Variants in CDCA2 observed in about 807,000 individuals in gnomAD.
CDCA2 encodes cell division cycle-associated protein 2.
In CDCA2, 44 loss-of-function variants were observed where a neutral mutation model predicts 67.0. That is an observed-to-expected ratio of 0.66 (90% CI 0.52 to 0.84). The LOEUF (loss-of-function observed/expected upper bound fraction) is 0.84, where lower values mean the gene tolerates loss of function less well. Among genes scored for constraint, CDCA2 ranks in the 40% least tolerant of loss-of-function variants. The pLI is 0.00. For missense variants in CDCA2, 1,253 were observed against 1,203.2 expected, an observed-to-expected ratio of 1.04 and a Z score of -0.61; for synonymous variants, 447 against 418.7, an observed-to-expected ratio of 1.07 and a Z score of -0.82.
chr8:25,500,160 T>TC (rs1804415589), intron 13 of CDCA2, among the ~76,000 whole-genome samples: 1 of 152,202 alleles, frequency 6.6e-6, no homozygotes, highest in Non-Finnish European at 1.5e-5. Context: ...ATTCATTCAT[T>TC]CATTCATTCG....
At chr8:25,497,489 C>CT (rs1384907799) in intron 13 of CDCA2, among the ~76,000 whole-genome samples, 77 of 81,368 alleles carry the variant, frequency 9.5e-4, no homozygotes, top group African/African-American at 3.5e-3. Flanking sequence ...CATGTGGAAT[C>CT]TTTAAAAAAT....
chr8:25,472,260 T>G (rs1038695682), intron 7 of CDCA2: 5 of 151,458 alleles, frequency 3.3e-5, no homozygotes, highest in African/African-American at 1.2e-4. Flanking sequence ...TTTATTTATT[T>G]TTTTTTTTTG....
intron 10 of CDCA2, among the ~76,000 whole-genome samples, chr8:25,485,537 G>A (rs1304580615): frequency 6.6e-6 from 1 of 152,138 alleles, no homozygotes; most frequent in African/African-American, 2.4e-5. Context: ...ATGGATTGCA[G>A]TTAGTAAGCA....
At chr8:25,471,245 T>A (rs980236793) in intron 7 of CDCA2, among the ~76,000 whole-genome samples, 1 of 152,226 alleles carries the variant, frequency 6.6e-6, no homozygotes, top group African/African-American at 2.4e-5. Flanking sequence ...GACTTTTAAT[T>A]TTAATCATAA....
At chr8:25,503,864 AAAAT>A (rs1804574410) in intron 14 of CDCA2, among the ~76,000 whole-genome samples, 1 of 152,162 alleles carries the variant, frequency 6.6e-6, no homozygotes, top group Non-Finnish European at 1.5e-5. Context: ...GCATTTTGTG[AAAAT>A]AAATTCCATT....
intron 6 of CDCA2, among the ~76,000 whole-genome samples, chr8:25,468,751 A>G (rs1185877094): frequency 6.6e-6 from 1 of 152,136 alleles, no homozygotes; most frequent in Non-Finnish European, 1.5e-5. Flanking sequence ...TCTTGCCCTT[A>G]GGCAGTATTT....
At position 25,459,920 on chromosome 8, in the gene CDCA2, A is replaced by C. The variant is rs1309204123; in HGVS notation, c.1-320A>C. On this transcript the variant is annotated intron_variant, in intron 1 of 14. Transcript: ENST00000330560. ...TAGCACAACAGGGTGGCGGTCCATAATTTAATTGTGCATTTAAACATAACG... is the reference window on the plus strand; with the variant it reads ...TAGCACAACAGGGTGGCGGTCCATACTTTAATTGTGCATTTAAACATAACG... Among the ~76,000 whole-genome samples, 3 of 152,194 alleles carry C rather than the reference A, an allele frequency of 2.0e-5. No individual in the cohort carries two copies. The East Asian group carries it at 5.8e-4, about 29-fold the overall frequency.
chr8:25,506,954 G>A lies in CDCA2; in HGVS notation c.2288G>A (p.Cys763Tyr). Reference sequence around the variant, plus strand: ...ATTTCACCAGATTTAAACATAAAGTGTGAAAGAAAGGATGACTTCTTAGGA... The same window carrying A: ...ATTTCACCAGATTTAAACATAAAGTATGAAAGAAAGGATGACTTCTTAGGA... ...FKISPDLNIK[C>Y]ERKDDFLGAA... Residue 763 changes from cysteine to tyrosine, a missense_variant, in exon 15 of 15, where the codon TGT (cysteine) becomes TAT (tyrosine). Cys to Tyr is a radical substitution (Grantham distance 194, BLOSUM62 -2). Coordinates refer to ENST00000330560, the MANE Select transcript of CDCA2 (RefSeq NM_152562.4). The A allele has an allele frequency of 6.2e-7, 1 of 1,613,968 alleles. No homozygotes were observed. Among genetic ancestry groups the A allele is most frequent in the Non-Finnish European group, 8.5e-7 (1 of 1,179,936 alleles).
At chr8:25,498,453 A>ACCCCCTCCCCCCC (rs1804328387) in intron 13 of CDCA2, among the ~76,000 whole-genome samples, 1 of 76,612 alleles carries the variant, frequency 1.3e-5, no homozygotes, top group Non-Finnish European at 2.6e-5. Flanking sequence ...GGTAATCTGC[A>ACCCCCTCCCCCCC]CCCCCCCCCC....
At chr8:25,504,772 C>T (rs1375962238) in intron 14 of CDCA2, among the ~76,000 whole-genome samples, 1 of 152,184 alleles carries the variant, frequency 6.6e-6, no homozygotes, top group Admixed American at 6.5e-5. Context: ...TGTTGCTTAT[C>T]TTCCAAGATT....
At position 25,507,467 on chromosome 8, in the gene CDCA2, G is replaced by A; in HGVS notation, c.2801G>A (p.Ser934Asn). The stretch of plus-strand genomic sequence containing the variant: ...ACATTTGACAGCAGTGGATTTGAAA[G>A]TATGTCTCCCATAAAAGAAACTGTG... ...ICTFDSSGFESMSPIKETVSS... is the reference protein window; with the variant it reads ...ICTFDSSGFENMSPIKETVSS... The change falls in exon 15 of 15, where the codon AGT (serine) becomes AAT (asparagine). Residue 934 changes from serine to asparagine, a missense_variant. Physicochemically the swap from Ser to Asn is conservative, Grantham distance 46. Coordinates refer to ENST00000330560, the MANE Select transcript of CDCA2 (RefSeq NM_152562.4). 6.2e-7 allele frequency: 1 copy of A among 1,614,030 alleles called. No individual in the cohort carries two copies. The highest frequency in any genetic ancestry group is 8.5e-7 in the Non-Finnish European group (1 of 1,179,976).
In CDCA2 at chr8:25,460,392, T is replaced by C; in HGVS notation, c.70T>C (p.Ser24Pro). ...TATGTCGTCCGTTTCAGGAAATGCC[T>C]CTTTCATTTTGGGAACTGGGAAGAT... ...ESAMNNAGNA[S>P]FILGTGKIVT... The change falls in exon 3 of 15, where the codon TCT becomes CCT. Residue 24 changes from serine to proline, a missense_variant. Coordinates refer to ENST00000330560, the MANE Select transcript of CDCA2 (RefSeq NM_152562.4). 1.2e-6 allele frequency: 2 copies of C among 1,614,192 alleles called. No homozygotes were observed. The highest frequency in any genetic ancestry group is 1.7e-6 in the Non-Finnish European group (2 of 1,180,022).
chr8:25,469,529 T>C (rs1228632308), intron 6 of CDCA2, among the ~76,000 whole-genome samples: 1 of 152,222 alleles, frequency 6.6e-6, no homozygotes, highest in African/African-American at 2.4e-5. Context: ...GATTAATAAT[T>C]ATATAAACTT....
intron 13 of CDCA2, among the ~76,000 whole-genome samples, chr8:25,492,052 T>C (rs1360438074): frequency 6.6e-6 from 1 of 151,986 alleles, no homozygotes; most frequent in East Asian, 1.9e-4. Context: ...TTCCTCGGCC[T>C]CCCAAAGTGC....
chr8:25,494,578 GA>G (rs1586518330), intron 13 of CDCA2, among the ~76,000 whole-genome samples: 1 of 152,010 alleles, frequency 6.6e-6, no homozygotes, highest in Non-Finnish European at 1.5e-5. Flanking sequence ...GGAGGTCCTG[GA>G]ACCAATTTCC....
chr8:25,488,792 A>T (rs908806718), intron 13 of CDCA2, 103 bp downstream of exon 13: 5 of 1,207,160 alleles, frequency 4.1e-6, no homozygotes, highest in South Asian at 1.8e-5. Flanking sequence ...TTGACTTTGG[A>T]CCAAGATTAT....
rs1396734949 is a variant in CDCA2, at chr8:25,497,492, T to C, written c.1672-5881T>C. Among the ~76,000 whole-genome samples the C allele has an allele frequency of 8.5e-4, 29 of 34,234 alleles. No individual in the cohort carries two copies. The Middle Eastern group carries it at 0.12, about 139-fold the overall frequency. 22.5% of individuals were successfully genotyped at this position (34,234 alleles called of 152,430 possible). A position where few individuals can be genotyped will look rare whatever the true frequency, so the allele number is the denominator to read the frequency against. On this transcript the variant is annotated intron_variant, in intron 13 of 14. Transcript: ENST00000330560. ...AGATCTTACTTACATGTGGAATCTT[T>C]AAAAAATAAAAAATAAAAAAAAAAA...
rs890645513 is a variant in CDCA2, at chr8:25,484,192, T to A, written c.1347T>A (p.Asp449Glu). Residue 449 changes from aspartate to glutamate, a missense_variant, in exon 10 of 15, where the codon GAT (aspartate) becomes GAA (glutamate). Coordinates refer to ENST00000330560, the MANE Select transcript of CDCA2 (RefSeq NM_152562.4). Reference sequence around the variant, plus strand: ...AGCCATTACCTCAACCAGATTTTGATGACAAGGGGGAGAATCTTGTAAGTA... The same window carrying A: ...AGCCATTACCTCAACCAGATTTTGAAGACAAGGGGGAGAATCTTGTAAGTA... The part of the protein sequence containing the change: ...VPEPLPQPDF[D>E]DKGENLENIE... 2 of 1,614,108 alleles carry A rather than the reference T, an allele frequency of 1.2e-6. No individual in the cohort carries two copies. The highest frequency in any genetic ancestry group is 2.7e-5 in the African/African-American group (2 of 75,068).
intron 14 of CDCA2, among the ~76,000 whole-genome samples, chr8:25,504,670 A>G (rs955732239): frequency 3.9e-5 from 6 of 152,178 alleles, no homozygotes; most frequent in African/African-American, 1.2e-4. Flanking sequence ...CCTCTGTCGC[A>G]TACGCCCTGG....
Sources: allele counts gnomAD v4.1 joint callset (sites outside exome capture counted in the v4.1 genomes callset), GRCh38; gene constraint gnomAD v4.1.1; transcripts MANE v1.5; gene names NCBI Gene and HGNC (gene_info 2026-07-23, HGNC 2026-07-21).